The following MAP3K13 variants were observed in gnomAD, a reference collection of about 807,000 sequenced individuals.
MAP3K13 encodes mitogen-activated protein kinase kinase kinase 13.
MAP3K13 carries 52 observed loss-of-function variants against 104.0 expected under a neutral mutation model. That is an observed-to-expected ratio of 0.50 (90% confidence interval 0.40 to 0.63). MAP3K13 has a LOEUF of 0.63. Ranked by LOEUF, MAP3K13 falls within the 20% of genes least tolerant of loss-of-function variation. The pLI is 0.00. For missense variants in MAP3K13, 914 were observed against 1,218.5 expected, an observed-to-expected ratio of 0.75 and a Z score of 3.72; for synonymous variants, 394 against 442.2, an observed-to-expected ratio of 0.89 and a Z score of 1.37.
At chr3:185,307,284 T>C (rs190541050) in intron 2 of MAP3K13, among the ~76,000 whole-genome samples, 4 of 152,228 alleles carry the variant, frequency 2.6e-5, no homozygotes, top group Non-Finnish European at 1.5e-5. Context: ...TCCTTTTCTC[T>C]CTCTCTCTCC....
At position 185,363,345 on chromosome 3, in the gene MAP3K13, C is replaced by T; in HGVS notation, c.-109C>T. 1.2e-5 allele frequency: 12 copies of T among 985,234 alleles called. No individual in the cohort carries two copies. The highest frequency in any genetic ancestry group is 1.4e-5 in the Non-Finnish European group (12 of 829,806). The allele number at this position is 985,234 out of a possible 1,614,324, so 61.0% of individuals were successfully genotyped here. ...TTTTCAAAGCAAGAAAATGGAACAG[C>T]ATGTGTAGGAATTCTTCGTTGTTGT... On this transcript the variant is annotated 5_prime_UTR_variant, in exon 1 of 14. Transcript: ENST00000265026.
chr3:185,395,837 C>T (rs1712380745), intron 1 of MAP3K13, among the ~76,000 whole-genome samples: 1 of 151,782 alleles, frequency 6.6e-6, no homozygotes, highest in Non-Finnish European at 1.5e-5. Flanking sequence ...GGCACGCATG[C>T]TCGGTGAATT....
intron 1 of MAP3K13, among the ~76,000 whole-genome samples, chr3:185,371,715 G>C (rs1377700767): frequency 6.6e-6 from 1 of 152,180 alleles, no homozygotes; most frequent in Non-Finnish European, 1.5e-5. Context: ...CAGCTGATGA[G>C]GCAGGTGGCA....
chr3:185,448,773 G>T (rs551946510), intron 5 of MAP3K13, among the ~76,000 whole-genome samples: 2 of 152,178 alleles, frequency 1.3e-5, no homozygotes, highest in African/African-American at 2.4e-5. Context: ...CAATCATATA[G>T]GTAAAAAAAC....
intron 2 of MAP3K13, among the ~76,000 whole-genome samples, chr3:185,285,932 G>T (rs894976627): frequency 6.6e-6 from 1 of 151,876 alleles, no homozygotes; most frequent in African/African-American, 2.4e-5. Flanking sequence ...TTTACATCCG[G>T]GTAGAAATAA....
chr3:185,352,334 C>T (rs1168432706), intron 2 of MAP3K13, among the ~76,000 whole-genome samples: 3 of 152,084 alleles, frequency 2.0e-5, no homozygotes, highest in Non-Finnish European at 2.9e-5. Context: ...ATCCCAGCTA[C>T]TCAGGAGGCT....
chr3:185,304,100 A>C (rs1322345822), intron 2 of MAP3K13, among the ~76,000 whole-genome samples: 1 of 152,008 alleles, frequency 6.6e-6, no homozygotes, highest in African/African-American at 2.4e-5. Context: ...CATATTGTTT[A>C]TTTTACACAT....
At chr3:185,391,005 T>G (rs1712020272) in intron 1 of MAP3K13, among the ~76,000 whole-genome samples, 1 of 152,178 alleles carries the variant, frequency 6.6e-6, no homozygotes, top group Admixed American at 6.5e-5. Flanking sequence ...AGCTGCCAGT[T>G]ACTGCAATTT....
intron 9 of MAP3K13, 126 bp from the exon 10 acceptor site, chr3:185,466,700 A>G: frequency 2.6e-6 from 3 of 1,146,254 alleles, no homozygotes; most frequent in Non-Finnish European, 3.8e-6. Flanking sequence ...TTAAACCTGA[A>G]TAGCAGTCTT....
intron 1 of MAP3K13, among the ~76,000 whole-genome samples, chr3:185,364,667 T>C (rs6444058): frequency 0.73 from 110,460 of 152,048 alleles, 42,429 homozygotes; most frequent in Non-Finnish European, 0.86. Context: ...TAACATTGTC[T>C]TTTGTTTCTC....
chr3:185,330,703 T>C (rs1053971682), intron 2 of MAP3K13, among the ~76,000 whole-genome samples: 1 of 152,204 alleles, frequency 6.6e-6, no homozygotes, highest in Non-Finnish European at 1.5e-5. Context: ...AGGTGTGTAC[T>C]AGCCGCATGG....
chr3:185,364,335 G>A (rs1723771465), intron 1 of MAP3K13, among the ~76,000 whole-genome samples: 1 of 152,162 alleles, frequency 6.6e-6, no homozygotes, highest in Non-Finnish European at 1.5e-5. Flanking sequence ...ATTGTGACAT[G>A]TTCTGCCCCT....
At chr3:185,466,619 C>T (rs1158762419) in intron 9 of MAP3K13, among the ~76,000 whole-genome samples, 1 of 152,116 alleles carries the variant, frequency 6.6e-6, no homozygotes, top group African/African-American at 2.4e-5. Flanking sequence ...TCAGGTGATC[C>T]ACCCACCTTG....
At chr3:185,453,638 A>G (rs1311900394) in intron 7 of MAP3K13, among the ~76,000 whole-genome samples, 1 of 151,512 alleles carries the variant, frequency 6.6e-6, no homozygotes, top group Non-Finnish European at 1.5e-5. Flanking sequence ...ACGTGGTGCT[A>G]CACACCTGTA....
chr3:185,358,530 C>T (rs1287073918), upstream of MAP3K13, among the ~76,000 whole-genome samples: 1 of 152,174 alleles, frequency 6.6e-6, no homozygotes, highest in Non-Finnish European at 1.5e-5. Flanking sequence ...TTCTGATGAT[C>T]TCCCTTGACA....
At chr3:185,346,131 T>C (rs1042823819) in intron 2 of MAP3K13, among the ~76,000 whole-genome samples, 1 of 152,226 alleles carries the variant, frequency 6.6e-6, no homozygotes, top group African/African-American at 2.4e-5. Context: ...TCCTTCTAAC[T>C]GAAATTTTGT....
chr3:185,455,005 TGA>T (rs1342391872), intron 7 of MAP3K13, among the ~76,000 whole-genome samples: 3 of 42,432 alleles, frequency 7.1e-5, no homozygotes, highest in African/African-American at 1.1e-4. Context: ...ATGATATATA[TGA>T]GATATATATG....
intron 7 of MAP3K13, among the ~76,000 whole-genome samples, chr3:185,454,896 GATATATATATGAT>G (rs1716308895): frequency 2.0e-5 from 1 of 50,770 alleles, no homozygotes; most frequent in African/African-American, 7.2e-5. Context: ...ATATATATGA[GATATATATATGAT>G]ATATATATGA....
upstream of MAP3K13, among the ~76,000 whole-genome samples, chr3:185,362,407 C>A (rs1026387847): frequency 6.6e-6 from 1 of 152,056 alleles, no homozygotes; most frequent in South Asian, 2.1e-4. Context: ...TCATTAAGTG[C>A]CCTTTTGGAG....
Sources: gnomAD v4.1 joint callset for allele counts (sites outside exome capture counted in the v4.1 genomes callset) on GRCh38, gnomAD v4.1.1 for gene constraint, MANE v1.5 for transcripts, NCBI Gene and HGNC (gene_info 2026-07-23, HGNC 2026-07-21) for gene names.